The following NXN variants were observed in gnomAD, a reference collection of about 807,000 sequenced individuals.
NXN encodes the protein nucleoredoxin.
In NXN, 16 loss-of-function variants were observed where a neutral mutation model predicts 48.6. That is an observed-to-expected ratio of 0.33 (90% confidence interval 0.22 to 0.50). The LOEUF (loss-of-function observed/expected upper bound fraction) is 0.50. NXN is among the 20% of genes least tolerant of loss of function. The probability of loss-of-function intolerance (pLI) is 0.98; values close to 1 mark genes in which losing one functional copy is unlikely to be tolerated. For missense variants in NXN, 492 were observed against 605.5 expected (o/e 0.81, Z 1.97); for synonymous variants, 281 against 269.6 (o/e 1.04, Z -0.41).
intron 1 of NXN, among the ~76,000 whole-genome samples, chr17:965,807 G>A (rs1396014185): frequency 6.6e-6 from 1 of 152,076 alleles, no homozygotes; most frequent in African/African-American, 2.4e-5. Flanking sequence ...TCGGGAGGCC[G>A]AGGCAGGAGA....
chr17:896,556 C>T (rs1442482968), intron 1 of NXN, among the ~76,000 whole-genome samples: 1 of 152,174 alleles, frequency 6.6e-6, no homozygotes, highest in Non-Finnish European at 1.5e-5. Context: ...CGTACCTCTC[C>T]CTGTTGCCTC....
intron 1 of NXN, among the ~76,000 whole-genome samples, chr17:972,067 A>G (rs1342864790): frequency 1.3e-5 from 2 of 152,254 alleles, no homozygotes; most frequent in East Asian, 1.9e-4. Context: ...TTGGGAGGCC[A>G]AGGCAGGCGG....
At chr17:872,229 A>G (rs1000874959) in intron 1 of NXN, among the ~76,000 whole-genome samples, 20 of 150,278 alleles carry the variant, frequency 1.3e-4, no homozygotes, top group Non-Finnish European at 2.7e-4. Flanking sequence ...AGAGGGAGAG[A>G]GAGAGAGACG....
At position 956,558 on chromosome 17, in the gene NXN, C is replaced by T. The variant is rs979558066; in HGVS notation, c.360+22761G>A. On this transcript the variant is annotated intron_variant, in intron 1 of 7. Transcript: ENST00000336868. This position sits in a 1 kb window ranked among gnomAD's most constrained non-coding sequence, Gnocchi z 4.1. ...CCTCCCAAGTAGCTGGGACTACAGG[C>T]GCCCGCCACCACGTCCGGCTAATTT... 3.3e-5 allele frequency among the ~76,000 whole-genome samples: 5 copies of T among 152,140 alleles called. No homozygotes were observed. The highest frequency in any genetic ancestry group is 9.7e-5 in the African/African-American group (4 of 41,424).
intron 1 of NXN, among the ~76,000 whole-genome samples, chr17:967,943 G>A (rs1021679157): frequency 2.6e-5 from 4 of 151,472 alleles, no homozygotes; most frequent in Non-Finnish European, 5.9e-5. Context: ...CTGTACTCTA[G>A]CCCAGGCGAC....
chr17:819,455 C>T lies in NXN; in HGVS notation c.804G>A (p.Arg268=). ...TDEARRSRLN[R]LYGIQGIPTL... ...AGCGCCTACCTTGGATTCCGTACAG[C>T]CGGTTGAGGCGCGACCGCCGGGCCT... Residue 268 remains arginine (R), a synonymous_variant, in exon 5 of 8, where the codon CGG becomes CGA. Transcript: ENST00000336868. 6.2e-7 allele frequency: 1 copy of T among 1,614,052 alleles called. No homozygotes were observed.
rs1597633439 is a variant in NXN, at chr17:825,333, G to A, written c.478+628C>T. On this transcript the variant is annotated intron_variant, in intron 2 of 7. Transcript: ENST00000336868. This position sits in a 1 kb window ranked among gnomAD's most constrained non-coding sequence, Gnocchi z 4.1. Reference sequence around the variant, plus strand: ...ATTTTTACTGGGAAAATGTGTGAGCGGGGTTGAATCTTCTCACTGGACGGA... The same window carrying A: ...ATTTTTACTGGGAAAATGTGTGAGCAGGGTTGAATCTTCTCACTGGACGGA... Among the ~76,000 whole-genome samples the A allele has an allele frequency of 6.6e-6, 1 of 152,180 alleles. No homozygotes were observed. The highest frequency in any genetic ancestry group is 1.5e-5 in the Non-Finnish European group (1 of 68,036).
At chr17:928,353 T>C (rs1269670957) in intron 1 of NXN, among the ~76,000 whole-genome samples, 2 of 152,166 alleles carry the variant, frequency 1.3e-5, no homozygotes, top group African/African-American at 4.8e-5. Flanking sequence ...TGAGATTTCC[T>C]ATGGAATCCT....
rs573580586 is a variant in NXN at position 969,870 on chromosome 17, C to T, written c.360+9449G>A. On this transcript the variant is annotated intron_variant, in intron 1 of 7. Transcript: ENST00000336868. ...CCCTAGGACAGCAGAACTCACCACA[C>T]CCTGTTTGGTGACTGTTCGACAACG... 9.2e-5 allele frequency among the ~76,000 whole-genome samples: 14 copies of T among 152,240 alleles called. No individual in the cohort carries two copies. The South Asian group carries it at 1.2e-3, about 14-fold the overall frequency.
At chr17:889,055 C>T (rs1317385961) in intron 1 of NXN, among the ~76,000 whole-genome samples, 1 of 151,512 alleles carries the variant, frequency 6.6e-6, no homozygotes, top group Non-Finnish European at 1.5e-5. Flanking sequence ...CTAAGCCTTA[C>T]AGCACAAAGA....
At position 811,321 on chromosome 17, in the gene NXN, C is replaced by T. The variant is rs570188321; in HGVS notation, c.821-6074G>A. 2.7e-4 allele frequency among the ~76,000 whole-genome samples: 41 copies of T among 152,336 alleles called. No individual in the cohort carries two copies. The East Asian group carries it at 6.4e-3, about 24-fold the overall frequency. On this transcript the variant is annotated intron_variant, in intron 5 of 7. Transcript: ENST00000336868. ...GAGCCAAACCAGACAGGGCCCCTGG[C>T]CTAAGAGAGAAGGGGCTGTAAACCT...
At chr17:939,476 G>A (rs1358721081) in intron 1 of NXN, among the ~76,000 whole-genome samples, 1 of 151,366 alleles carries the variant, frequency 6.6e-6, no homozygotes, top group Non-Finnish European at 1.5e-5. Flanking sequence ...CTCCCCAGTA[G>A]CAGGGATTAC....
At chr17:899,019 A>G (rs1254993213) in intron 1 of NXN, among the ~76,000 whole-genome samples, 1 of 140,916 alleles carries the variant, frequency 7.1e-6, no homozygotes. Flanking sequence ...GTGCAGTGGC[A>G]CGATCTTGGC....
intron 5 of NXN, among the ~76,000 whole-genome samples, chr17:813,363 T>C (rs1047400611): frequency 6.6e-6 from 1 of 152,156 alleles, no homozygotes; most frequent in African/African-American, 2.4e-5. Context: ...AGGGACTGAG[T>C]GAGACGGGCT....
At chr17:844,395 C>T (rs2067837111) in intron 1 of NXN, among the ~76,000 whole-genome samples, 1 of 144,216 alleles carries the variant, frequency 6.9e-6, no homozygotes. Flanking sequence ...ACCAGGCCAT[C>T]ACACGTCCCG....
chr17:830,041 C>T lies in NXN; in HGVS notation c.361-3963G>A, dbSNP rs745313022. On this transcript the variant is annotated intron_variant, in intron 1 of 7. Transcript: ENST00000336868. This position sits in a 1 kb window ranked among gnomAD's most constrained non-coding sequence, Gnocchi z 4.2. ...TTTTGGTTCTAGATCCCTGAGGAAT[C>T]ACCACACTGTCCTCCACAATGGTTG... Among the ~76,000 whole-genome samples, 5 of 152,178 alleles carry T rather than the reference C, an allele frequency of 3.3e-5. No individual in the cohort carries two copies. The highest frequency in any genetic ancestry group is 4.8e-5 in the African/African-American group (2 of 41,436).
At chr17:829,301 A>G (rs1210546783) in intron 1 of NXN, among the ~76,000 whole-genome samples, 3 of 151,718 alleles carry the variant, frequency 2.0e-5, no homozygotes, top group East Asian at 1.9e-4. Context: ...GATTACAGGC[A>G]TGCACCACCT....
Position 849,861 on chromosome 17 carries a change from G to A in NXN, c.361-23783C>T, listed in dbSNP as rs993111714. On this transcript the variant is annotated intron_variant, in intron 1 of 7. Coordinates refer to ENST00000336868, the MANE Select transcript of NXN (RefSeq NM_022463.5). This position sits in a 1 kb window ranked among gnomAD's most constrained non-coding sequence, Gnocchi z 4.2. ...AGAGGAGGACAGATAAGGAGGGGCA[G>A]GAGAGACACCAGAGTCAGAGAGGAG... Among the ~76,000 whole-genome samples, 1 of 152,164 alleles carries A rather than the reference G, an allele frequency of 6.6e-6. No individual in the cohort carries two copies. The highest frequency in any genetic ancestry group is 2.4e-5 in the African/African-American group (1 of 41,438).
rs1423785195 is a variant in NXN at position 821,750 on chromosome 17, C to CA, written c.713+606dup. Among the ~76,000 whole-genome samples the CA allele has an allele frequency of 4.3e-4, 64 of 149,258 alleles. 1 individual carries two copies. The East Asian group carries it at 5.8e-3, about 13-fold the overall frequency. ...TGGGCGACAGAGCGAGACTCCGTCT[C>CA]AAAAAAAACCCAAAAAACAAAAAAC... On this transcript the variant is annotated intron_variant, in intron 4 of 7. Transcript: ENST00000336868.
Sources: gnomAD v4.1 joint callset for allele counts (sites outside exome capture counted in the v4.1 genomes callset) on GRCh38, gnomAD v4.1.1 for gene constraint, Gnocchi (gnomAD v3.1) non-coding constraint, MANE v1.5 for transcripts, NCBI Gene and HGNC (gene_info 2026-07-23, HGNC 2026-07-21) for gene names.